Variants in NBAS observed in about 807,000 individuals in gnomAD.
NBAS encodes the protein NAG/BC035112 fusion.
In NBAS, 219 loss-of-function variants were observed where a neutral mutation model predicts 302.5. That is an observed-to-expected ratio of 0.72 (90% CI 0.65 to 0.81). The LOEUF is 0.81. Ranked by LOEUF, NBAS falls within the 30% of genes least tolerant of loss-of-function variation. NBAS has a pLI of 0.00. For synonymous variants in NBAS, 1,118 were observed against 1,021.6 expected (o/e 1.09, Z -1.80); for missense variants, 2,932 against 2,841.6 (o/e 1.03, Z -0.72).
At chr2:15,356,586 A>AC (rs1673633599) in intron 32 of NBAS, among the ~76,000 whole-genome samples, 170 bp from the exon 33 acceptor site, 3 of 152,346 alleles carry the variant, frequency 2.0e-5, no homozygotes, top group Admixed American at 2.0e-4. Flanking sequence ...CTTATGAAGC[A>AC]TGGAATTAGC....
the NBAS span, among the ~76,000 whole-genome samples, chr2:14,904,365 T>C: frequency 6.6e-6 from 1 of 152,136 alleles, no homozygotes; most frequent in African/African-American, 2.4e-5. Context: ...CGAGAGCCCC[T>C]GGCAAACCAC....
At chr2:15,267,847 T>C (rs950581553) in intron 44 of NBAS, among the ~76,000 whole-genome samples, 1 of 152,210 alleles carries the variant, frequency 6.6e-6, no homozygotes, top group African/African-American at 2.4e-5. Context: ...TATGTACATA[T>C]GACAGTACAC....
chr2:14,862,252 C>T, the NBAS span, among the ~76,000 whole-genome samples: 1 of 151,714 alleles, frequency 6.6e-6, no homozygotes, highest in African/African-American at 2.4e-5. Context: ...GATTTTTCTG[C>T]CTCAGCCTCC....
At chr2:15,129,087 G>A in the NBAS span, among the ~76,000 whole-genome samples, 2 of 152,202 alleles carry the variant, frequency 1.3e-5, no homozygotes, top group African/African-American at 2.4e-5. Context: ...GCAGCTCTCC[G>A]GCTGCCACGG....
chr2:14,991,754 G>A, the NBAS span, among the ~76,000 whole-genome samples: 1 of 152,230 alleles, frequency 6.6e-6, no homozygotes, highest in Non-Finnish European at 1.5e-5. Flanking sequence ...ACTCAGACCT[G>A]CTGTATGAGA....
At chr2:15,161,942 GTGCAGA>G (rs1663910146), downstream of NBAS, among the ~76,000 whole-genome samples, 1 of 152,220 alleles carries the variant, frequency 6.6e-6, no homozygotes, top group Admixed American at 6.5e-5. Flanking sequence ...ACCACACTAC[GTGCAGA>G]TGGTCAATAC....
At chr2:14,978,116 C>G in the NBAS span, among the ~76,000 whole-genome samples, 1 of 152,128 alleles carries the variant, frequency 6.6e-6, no homozygotes, top group Non-Finnish European at 1.5e-5. Context: ...ACCTAGAACT[C>G]CTTTCCTTCT....
chr2:15,167,318 A>G lies in NBAS; in HGVS notation c.6846T>C (p.Asn2282=), dbSNP rs751942000. 5 of 1,614,204 alleles carry G rather than the reference A, an allele frequency of 3.1e-6. No individual in the cohort carries two copies. In the East Asian group the frequency reaches 8.9e-5, roughly 29 times the overall value. Residue 2282 remains asparagine (N), a synonymous_variant, in exon 52 of 52, where the codon AAT becomes AAC. Coordinates refer to ENST00000281513, the MANE Select transcript of NBAS (RefSeq NM_015909.4). ...GAAGTTCTTGGTCACAATTGGAATCATTCACCTTCAAGAAATAAGACAGGC... is the reference window on the plus strand; with the variant it reads ...GAAGTTCTTGGTCACAATTGGAATCGTTCACCTTCAAGAAATAAGACAGGC... ...LEQITAVTTV[N]DSNCDQELLS...
chr2:15,154,389 G>A, the NBAS span, among the ~76,000 whole-genome samples: 9 of 152,128 alleles, frequency 5.9e-5, no homozygotes, highest in African/African-American at 1.7e-4. Flanking sequence ...TTTTCCCCTC[G>A]GTTTCATAGA....
intron 49 of NBAS, among the ~76,000 whole-genome samples, chr2:15,189,634 C>T (rs1347443822): frequency 6.6e-6 from 1 of 152,116 alleles, no homozygotes; most frequent in Non-Finnish European, 1.5e-5. Context: ...TGGCTGATAC[C>T]ACCAGGACTG....
At chr2:15,032,354 G>A in the NBAS span, among the ~76,000 whole-genome samples, 1 of 152,212 alleles carries the variant, frequency 6.6e-6, no homozygotes, top group African/African-American at 2.4e-5. Flanking sequence ...CAGTGGAAAT[G>A]AGGATTGTAT....
Position 15,276,931 on chromosome 2 carries a change from CCA to C in NBAS, c.5307_5308del (p.Cys1769TrpfsTer11), listed in dbSNP as rs1390070162. 1.9e-6 allele frequency: 3 copies of C among 1,613,948 alleles called. No homozygotes were observed. Among genetic ancestry groups the C allele is most frequent in the South Asian group, 1.1e-5 (1 of 91,078 alleles). On this transcript the variant is annotated frameshift_variant, in exon 43 of 52. Coordinates refer to ENST00000281513, the MANE Select transcript of NBAS (RefSeq NM_015909.4). LOFTEE classifies it high-confidence loss of function. ...GGCACAGTTCCCCAAATCTGCACAG[CCA>C]CAGTTTTCCAGAAGAGTGAAATAAT... is the stretch of plus-strand genomic sequence containing the variant.
At chr2:15,503,189 G>A (rs1212902202) in intron 11 of NBAS, among the ~76,000 whole-genome samples, 10 of 152,020 alleles carry the variant, frequency 6.6e-5, no homozygotes, top group Non-Finnish European at 1.3e-4. Flanking sequence ...ATGCCTTTCC[G>A]TGCAATGCCT....
At chr2:15,415,482 A>C (rs548058669) in intron 25 of NBAS, 64 bp downstream of exon 25, 44 of 1,409,820 alleles carry the variant, frequency 3.1e-5, no homozygotes, top group Non-Finnish European at 3.7e-5. Context: ...AAAATTGTAT[A>C]AATAAAACCT....
chr2:15,043,135 C>A, the NBAS span, among the ~76,000 whole-genome samples: 3 of 152,192 alleles, frequency 2.0e-5, no homozygotes, highest in African/African-American at 4.8e-5. Flanking sequence ...CCCTTCCTCG[C>A]TTAGTCACTG....
At chr2:14,783,398 C>T in the NBAS span, among the ~76,000 whole-genome samples, 2 of 151,274 alleles carry the variant, frequency 1.3e-5, no homozygotes, top group Non-Finnish European at 2.9e-5. Context: ...TATACATGTG[C>T]CATGCTGGTG....
At chr2:15,476,166 A>T (rs1185656949) in intron 13 of NBAS, among the ~76,000 whole-genome samples, 1 of 152,164 alleles carries the variant, frequency 6.6e-6, no homozygotes, top group Admixed American at 6.5e-5. Context: ...TCATTTCAAG[A>T]ATACACTCAG....
chr2:15,434,407 T>C (rs1677910416), intron 21 of NBAS, among the ~76,000 whole-genome samples: 1 of 152,108 alleles, frequency 6.6e-6, no homozygotes, highest in Admixed American at 6.5e-5. Context: ...CTCAGAACAA[T>C]GAAGGATGCC....
At chr2:15,536,397 G>A (rs1315966856) in intron 8 of NBAS, 21 bp downstream of exon 8, 1 of 1,610,134 alleles carries the variant, frequency 6.2e-7, no homozygotes, top group East Asian at 2.2e-5. Context: ...TTCAAATATG[G>A]CTTCCAAAGC....
Sources: gnomAD v4.1 joint callset for allele counts (sites outside exome capture counted in the v4.1 genomes callset) on GRCh38, gnomAD v4.1.1 for gene constraint, MANE v1.5 for transcripts, NCBI Gene and HGNC (gene_info 2026-07-23, HGNC 2026-07-21) for gene names.